PABPC4L: variants seen among roughly 807,000 people sequenced by gnomAD.
PABPC4L encodes polyadenylate-binding protein 4-like.
For missense variants in PABPC4L, 452 were observed against 451.4 expected (o/e 1.00, Z -0.01); for synonymous variants, 169 against 164.1 (o/e 1.03, Z -0.23).
the PABPC4L span, among the ~76,000 whole-genome samples, chr4:134,145,132 T>C: frequency 6.6e-6 from 1 of 151,846 alleles, no homozygotes; most frequent in South Asian, 2.1e-4. Flanking sequence ...TTGCAGTTTT[T>C]GTTATTGAAA....
At chr4:134,083,677 C>G in the PABPC4L span, among the ~76,000 whole-genome samples, 3 of 152,152 alleles carry the variant, frequency 2.0e-5, no homozygotes, top group Non-Finnish European at 2.9e-5. Context: ...TCATTCAGAA[C>G]ATTCCTAATT....
the PABPC4L span, among the ~76,000 whole-genome samples, chr4:134,106,421 C>T: frequency 6.6e-6 from 1 of 151,132 alleles, no homozygotes; most frequent in Non-Finnish European, 1.5e-5. Flanking sequence ...CCATCTCATT[C>T]ATTCATATGC....
At chr4:133,962,626 C>A in the PABPC4L span, among the ~76,000 whole-genome samples, 1 of 152,152 alleles carries the variant, frequency 6.6e-6, no homozygotes, top group African/African-American at 2.4e-5. Flanking sequence ...CAGTAGATTT[C>A]TCAGTAGAAA....
the PABPC4L span, among the ~76,000 whole-genome samples, chr4:134,109,801 G>A: frequency 0.11 from 17,137 of 151,254 alleles, 1,428 homozygotes; most frequent in Non-Finnish European, 0.18. Flanking sequence ...GCTGGCAATG[G>A]CATGGTCTCA....
chr4:133,975,827 C>T, the PABPC4L span, among the ~76,000 whole-genome samples: 2 of 152,130 alleles, frequency 1.3e-5, no homozygotes, highest in African/African-American at 4.8e-5. Context: ...GTAGAATTTT[C>T]ACATCACTTT....
At chr4:134,142,196 A>C in the PABPC4L span, among the ~76,000 whole-genome samples, 1 of 151,720 alleles carries the variant, frequency 6.6e-6, no homozygotes, top group Non-Finnish European at 1.5e-5. Flanking sequence ...TAGCAACAAC[A>C]GATCATTGAT....
At chr4:133,991,779 G>A in the PABPC4L span, among the ~76,000 whole-genome samples, 1 of 152,236 alleles carries the variant, frequency 6.6e-6, no homozygotes, top group South Asian at 2.1e-4. Context: ...GCCTCAGATT[G>A]TCTCCTTAAT....
At chr4:133,958,123 C>A in the PABPC4L span, among the ~76,000 whole-genome samples, 1 of 152,202 alleles carries the variant, frequency 6.6e-6, no homozygotes, top group Admixed American at 6.5e-5. Flanking sequence ...TCTATTGCAT[C>A]AACAGGCTGC....
At chr4:134,043,819 T>C in the PABPC4L span, among the ~76,000 whole-genome samples, 1 of 151,998 alleles carries the variant, frequency 6.6e-6, no homozygotes, top group African/African-American at 2.4e-5. Flanking sequence ...TGAAATCAAA[T>C]ACAAATCTGA....
the PABPC4L span, among the ~76,000 whole-genome samples, chr4:134,113,338 T>G: frequency 2.9e-4 from 44 of 152,072 alleles, no homozygotes; most frequent in African/African-American, 1.0e-3. Context: ...TCCTGCAAGC[T>G]CCATTCGTGG....
At chr4:134,193,406 A>T (rs1478934505), downstream of PABPC4L, among the ~76,000 whole-genome samples, 1 of 151,918 alleles carries the variant, frequency 6.6e-6, no homozygotes, top group Non-Finnish European at 1.5e-5. Flanking sequence ...TTAAAAATAT[A>T]AATATTTGAA....
chr4:134,022,622 A>G, the PABPC4L span, among the ~76,000 whole-genome samples: 2 of 151,874 alleles, frequency 1.3e-5, no homozygotes, highest in Non-Finnish European at 2.9e-5. Flanking sequence ...AGTTGAATAT[A>G]ATAATATAGT....
the PABPC4L span, among the ~76,000 whole-genome samples, chr4:134,125,705 G>T: frequency 2.6e-5 from 4 of 152,134 alleles, no homozygotes; most frequent in African/African-American, 9.6e-5. Context: ...CATTGTAATA[G>T]TCATATCCAA....
At chr4:134,003,179 C>G in the PABPC4L span, among the ~76,000 whole-genome samples, 2 of 151,942 alleles carry the variant, frequency 1.3e-5, no homozygotes, top group African/African-American at 4.8e-5. Context: ...CAAAGTCTCA[C>G]AGTGTCCTTA....
the PABPC4L span, among the ~76,000 whole-genome samples, chr4:134,147,612 TAC>T: frequency 3.0e-4 from 45 of 152,082 alleles, 1 homozygote; most frequent in Non-Finnish European, 2.9e-5. Context: ...AAATTCAATT[TAC>T]TCTTGAAATG....
chr4:134,029,258 ATTCT>A, the PABPC4L span, among the ~76,000 whole-genome samples: 1 of 152,026 alleles, frequency 6.6e-6, no homozygotes, highest in African/African-American at 2.4e-5. Flanking sequence ...CTAGGCCTGA[ATTCT>A]TTCTTCTCAC....
At chr4:134,117,090 C>T in the PABPC4L span, among the ~76,000 whole-genome samples, 14 of 151,170 alleles carry the variant, frequency 9.3e-5, no homozygotes, top group East Asian at 2.0e-4. Flanking sequence ...TCAGCAATAA[C>T]GTCTAAAAGA....
the PABPC4L span, among the ~76,000 whole-genome samples, chr4:134,016,109 T>C: frequency 6.6e-6 from 1 of 152,120 alleles, no homozygotes; most frequent in African/African-American, 2.4e-5. Context: ...GGTTTATTGA[T>C]GGCAGTTCCA....
chr4:134,127,248 C>T, the PABPC4L span, among the ~76,000 whole-genome samples: 15 of 152,036 alleles, frequency 9.9e-5, no homozygotes, highest in South Asian at 2.1e-4. Context: ...TCAATGGCCC[C>T]GCCCCCCACC....
Sources: gnomAD v4.1 joint callset for allele counts (sites outside exome capture counted in the v4.1 genomes callset) on GRCh38, gnomAD v4.1.1 for gene constraint, MANE v1.5 for transcripts, NCBI Gene and HGNC (gene_info 2026-07-23, HGNC 2026-07-21) for gene names.